TRUB1: variants seen among roughly 807,000 people sequenced by gnomAD.
TRUB1 encodes TruB pseudouridine synthase family member 1, also known as pseudouridylate synthase TRUB1.
In TRUB1, 23 loss-of-function variants were observed where a neutral mutation model predicts 33.9. That is an observed-to-expected ratio of 0.68 (90% confidence interval 0.49 to 0.96). TRUB1 has a LOEUF of 0.96. Ranked by LOEUF, TRUB1 falls within the 40% of genes least tolerant of loss-of-function variation. The pLI, the probability that TRUB1 is intolerant of heterozygous loss-of-function variation, is 0.00. For missense variants in TRUB1, 378 were observed against 422.2 expected (o/e 0.90, Z 0.92); for synonymous variants, 163 against 165.4 (o/e 0.99, Z 0.11).
At chr10:114,967,138 A>ATAGAC (rs1291301129) in intron 4 of TRUB1, among the ~76,000 whole-genome samples, 20 of 152,202 alleles carry the variant, frequency 1.3e-4, no homozygotes, top group African/African-American at 4.6e-4. Context: ...TATTTTCCTC[A>ATAGAC]AATTCCAGCT....
rs1035537788 is a variant in TRUB1 at position 114,947,638 on chromosome 10, C to A, written c.386-3456C>A. On this transcript the variant is annotated intron_variant, in intron 2 of 7. Transcript: ENST00000298746. ...TACTTCACTGTGTATACTTATATATCCATTTTTTTAAACTTAACATTGTAA... is the reference window on the plus strand; with the variant it reads ...TACTTCACTGTGTATACTTATATATACATTTTTTTAAACTTAACATTGTAA... Among the ~76,000 whole-genome samples the A allele has an allele frequency of 5.3e-5, 8 of 152,200 alleles. No individual in the cohort carries two copies. The East Asian group carries it at 1.5e-3, about 29-fold the overall frequency.
chr10:114,955,220 G>A (rs1281560100), intron 3 of TRUB1, among the ~76,000 whole-genome samples: 3 of 152,168 alleles, frequency 2.0e-5, no homozygotes, highest in South Asian at 4.1e-4. Context: ...CTAGAGGAGG[G>A]CAAATAGCCC....
intron 5 of TRUB1, among the ~76,000 whole-genome samples, chr10:114,971,067 C>T (rs1405203450): frequency 1.3e-5 from 2 of 152,148 alleles, no homozygotes; most frequent in African/African-American, 4.8e-5. Context: ...GTGGGCTCAG[C>T]GTCGGGTGAA....
At chr10:114,948,653 A>G (rs1016106247) in intron 2 of TRUB1, among the ~76,000 whole-genome samples, 7 of 152,072 alleles carry the variant, frequency 4.6e-5, no homozygotes, top group African/African-American at 1.7e-4. Flanking sequence ...TTCACTAATC[A>G]CCTCACTTCA....
At chr10:114,966,918 A>G (rs960400255) in intron 4 of TRUB1, among the ~76,000 whole-genome samples, 10 of 152,220 alleles carry the variant, frequency 6.6e-5, no homozygotes, top group Non-Finnish European at 1.2e-4. Flanking sequence ...CTTCTAAAGC[A>G]TGACTTTTCT....
intron 4 of TRUB1, among the ~76,000 whole-genome samples, chr10:114,965,868 C>T (rs891891948): frequency 4.6e-5 from 7 of 151,970 alleles, no homozygotes; most frequent in Non-Finnish European, 7.4e-5. Context: ...TTATGACCTT[C>T]GTTTTATTTT....
At chr10:114,975,057 A>G (rs899988318) in intron 7 of TRUB1, 66 bp from the exon 8 acceptor site, 1 of 1,531,540 alleles carries the variant, frequency 6.5e-7, no homozygotes. Context: ...CATTTGAACA[A>G]TTACAGACTA....
At chr10:114,970,010 C>T (rs1315346685) in intron 4 of TRUB1, among the ~76,000 whole-genome samples, 1 of 152,150 alleles carries the variant, frequency 6.6e-6, no homozygotes, top group East Asian at 1.9e-4. Context: ...CTGATCACTT[C>T]ATTATTAATT....
intron 1 of TRUB1, among the ~76,000 whole-genome samples, chr10:114,938,769 C>T (rs1197034248): frequency 6.6e-6 from 1 of 152,154 alleles, no homozygotes; most frequent in Non-Finnish European, 1.5e-5. Flanking sequence ...AAAAAAATCC[C>T]GTACTTACAC....
Position 114,977,132 on chromosome 10 carries a change from G to A in TRUB1, c.*1753G>A, listed in dbSNP as rs1434799313. On this transcript the variant is annotated 3_prime_UTR_variant, in exon 8 of 8. Transcript: ENST00000298746. The stretch of plus-strand genomic sequence containing the variant: ...AGATTGTTGACCATTTTTAAAAAAC[G>A]ATAGCCACTCTTTTTCTTTTATGTT... 1.3e-5 allele frequency: 2 copies of A among 152,074 alleles called. No individual in the cohort carries two copies. Among genetic ancestry groups the A allele is most frequent in the African/African-American group, 2.4e-5 (1 of 41,430 alleles). 9.4% of individuals were successfully genotyped at this position (152,074 alleles called of 1,614,324 possible).
intron 1 of TRUB1, among the ~76,000 whole-genome samples, chr10:114,940,414 C>T (rs1163686543): frequency 6.6e-6 from 1 of 152,220 alleles, no homozygotes; most frequent in African/African-American, 2.4e-5. Flanking sequence ...AGCCACCACT[C>T]CCGGCCTTGG....
intron 4 of TRUB1, 86 bp downstream of exon 4, chr10:114,959,893 A>G: frequency 1.3e-6 from 1 of 749,612 alleles, no homozygotes. Flanking sequence ...AATCTCTGAT[A>G]TTATCAGCCA....
intron 4 of TRUB1, among the ~76,000 whole-genome samples, chr10:114,963,529 T>A (rs1327167088): frequency 1.3e-5 from 2 of 152,226 alleles, no homozygotes; most frequent in Non-Finnish European, 2.9e-5. Flanking sequence ...AAGACAAATA[T>A]CTGTAGCTAG....
At chr10:114,972,490 T>C (rs78518173) in intron 6 of TRUB1, among the ~76,000 whole-genome samples, 2,249 of 152,296 alleles carry the variant, frequency 0.015, 67 homozygotes, top group African/African-American at 0.052. Flanking sequence ...CTAACTGGGC[T>C]GACTTTTTCA....
At chr10:114,975,027 A>G in intron 7 of TRUB1, 96 bp from the exon 8 acceptor site, 1 of 1,427,202 alleles carries the variant, frequency 7.0e-7, no homozygotes, top group Non-Finnish European at 9.4e-7. Flanking sequence ...TGGTTTTGAG[A>G]GATTTCAATT....
intron 4 of TRUB1, among the ~76,000 whole-genome samples, chr10:114,967,626 T>C (rs965804742): frequency 1.3e-5 from 2 of 152,224 alleles, no homozygotes; most frequent in African/African-American, 4.8e-5. Context: ...AAACAAAAAA[T>C]AATTACCCAA....
chr10:114,973,798 A>G (rs886875613), intron 6 of TRUB1, among the ~76,000 whole-genome samples: 2 of 152,156 alleles, frequency 1.3e-5, no homozygotes, highest in African/African-American at 4.8e-5. Context: ...TGAGTTCTTC[A>G]TGTGTAGTAC....
rs1437156180 is a variant in TRUB1 at position 114,970,348 on chromosome 10, T to A, written c.524-20T>A. 6.4e-7 allele frequency: 1 copy of A among 1,574,062 alleles called. No individual in the cohort carries two copies. Among genetic ancestry groups the A allele is most frequent in the East Asian group, 2.2e-5 (1 of 44,626 alleles). On this transcript the variant is annotated intron_variant, in intron 4 of 7. Transcript: ENST00000298746. ...TACTTCTGTGGTTGTTTTAGTGTCT[T>A]TTTTGTTGATTTTTGGCAGATAAAA...
chr10:114,952,648 T>C (rs1351500176), intron 3 of TRUB1, among the ~76,000 whole-genome samples: 1 of 152,206 alleles, frequency 6.6e-6, no homozygotes. Flanking sequence ...TTGGAAGGAA[T>C]CTTAGTGCCT....
Sources: gnomAD v4.1 joint callset for allele counts (sites outside exome capture counted in the v4.1 genomes callset) on GRCh38, gnomAD v4.1.1 for gene constraint, MANE v1.5 for transcripts, NCBI Gene and HGNC (gene_info 2026-07-23, HGNC 2026-07-21) for gene names.